Variants in ZNF83 observed in about 807,000 individuals in gnomAD.
ZNF83 encodes zinc finger protein 816B.
For missense variants in ZNF83, 552 were observed against 629.9 expected (o/e 0.88, Z 1.32); for synonymous variants, 209 against 213.0 (o/e 0.98, Z 0.17).
chr19:52,644,399 C>T (rs931038998), intron 3 of ZNF83, among the ~76,000 whole-genome samples: 3 of 152,118 alleles, frequency 2.0e-5, no homozygotes, highest in South Asian at 2.1e-4. Flanking sequence ...ACATTTTCAC[C>T]GAGTTACCCT....
rs1473697552 is a variant in ZNF83 at position 52,687,584 on chromosome 19, A to T, written c.-283+2859T>A. ...TTTTATATATATATAAATTTTATAT[A>T]TATATATATATAATGTATATATATA... On this transcript the variant is annotated intron_variant, in intron 1 of 5. Transcript: ENST00000594682. Among the ~76,000 whole-genome samples, 2 of 37,330 alleles carry T rather than the reference A, an allele frequency of 5.4e-5. 1 individual carries two copies. The highest frequency in any genetic ancestry group is 8.7e-5 in the Non-Finnish European group (2 of 23,096). 24.5% of individuals were successfully genotyped at this position (37,330 alleles called of 152,430 possible). A position where few individuals can be genotyped will look rare whatever the true frequency, so the allele number is the denominator to read the frequency against.
At chr19:52,675,151 C>T (rs1228192833) in intron 1 of ZNF83, among the ~76,000 whole-genome samples, 2 of 152,192 alleles carry the variant, frequency 1.3e-5, no homozygotes, top group African/African-American at 2.4e-5. Context: ...ATAAAGCTTG[C>T]GTTACTTGAA....
intron 1 of ZNF83, among the ~76,000 whole-genome samples, chr19:52,690,040 C>A (rs1426704382): frequency 1.3e-5 from 2 of 152,188 alleles, no homozygotes; most frequent in Non-Finnish European, 2.9e-5. Context: ...GCAGAGGACA[C>A]GGCCTCCCCG....
chr19:52,684,062 T>C (rs985911886), intron 1 of ZNF83, among the ~76,000 whole-genome samples: 4 of 152,072 alleles, frequency 2.6e-5, no homozygotes, highest in African/African-American at 9.7e-5. Context: ...GGTGAAACCC[T>C]GTCTCTACTA....
intron 1 of ZNF83, among the ~76,000 whole-genome samples, chr19:52,685,204 G>A (rs1285202083): frequency 2.6e-5 from 4 of 152,086 alleles, no homozygotes; most frequent in Non-Finnish European, 5.9e-5. Context: ...GGTCACTCAG[G>A]GTGAGCTTTT....
At chr19:52,660,495 A>G (rs73586172) in intron 2 of ZNF83, among the ~76,000 whole-genome samples, 2,806 of 149,858 alleles carry the variant, frequency 0.019, 97 homozygotes, top group African/African-American at 0.065. Flanking sequence ...GTGGACACCT[A>G]TAATCACAGC....
exon 3 of ZNF83, chr19:52,614,146 T>C (rs1456869951): frequency 6.2e-7 from 1 of 1,614,096 alleles, no homozygotes; most frequent in Non-Finnish European, 8.5e-7. Flanking sequence ...ATGAATTCTT[T>C]GATGACTTGC....
intron 2 of ZNF83, among the ~76,000 whole-genome samples, chr19:52,657,489 C>T (rs905725769): frequency 1.3e-5 from 2 of 151,556 alleles, no homozygotes. Context: ...GGGCTCCCCA[C>T]TGCACTCCAG....
chr19:52,673,525 G>C (rs776882818), intron 1 of ZNF83, among the ~76,000 whole-genome samples: 1 of 150,876 alleles, frequency 6.6e-6, no homozygotes, highest in Non-Finnish European at 1.5e-5. Context: ...CACACAAAAT[G>C]CTATAAACAG....
At chr19:52,689,635 T>C (rs1379505074) in intron 1 of ZNF83, among the ~76,000 whole-genome samples, 1 of 152,212 alleles carries the variant, frequency 6.6e-6, no homozygotes, top group Non-Finnish European at 1.5e-5. Flanking sequence ...TGCTTTCTTA[T>C]CGTTTTCTTT....
intron 2 of ZNF83, 98 bp from the exon 3 acceptor site, chr19:52,614,895 A>T: frequency 9.1e-7 from 1 of 1,098,618 alleles, no homozygotes; most frequent in Non-Finnish European, 1.2e-6. Flanking sequence ...AGTAATACTT[A>T]TGTTAAAGAA....
exon 3 of ZNF83, chr19:52,614,442 A>T (rs1384472012): frequency 6.2e-7 from 1 of 1,613,628 alleles, no homozygotes; most frequent in Admixed American, 1.7e-5. Context: ...TTTCCATGTG[A>T]TCATATTTAT....
upstream of ZNF83, among the ~76,000 whole-genome samples, chr19:52,642,821 G>A (rs191911164): frequency 1.6e-4 from 25 of 152,222 alleles, no homozygotes; most frequent in Admixed American, 2.6e-4. Context: ...AGGGGTTCAA[G>A]ACCAACCTGG....
intron 1 of ZNF83, among the ~76,000 whole-genome samples, chr19:52,664,585 G>T (rs150493201): frequency 6.6e-6 from 1 of 152,140 alleles, no homozygotes. Context: ...TTAAGTCCAC[G>T]CCATCTGCTT....
At chr19:52,658,179 A>G (rs1281954787) in intron 2 of ZNF83, among the ~76,000 whole-genome samples, 1 of 151,976 alleles carries the variant, frequency 6.6e-6, no homozygotes, top group Non-Finnish European at 1.5e-5. Flanking sequence ...AGAAACAACA[A>G]CAAAGAATAA....
chr19:52,648,329 G>T (rs923786393), intron 3 of ZNF83, among the ~76,000 whole-genome samples: 3 of 151,856 alleles, frequency 2.0e-5, no homozygotes, highest in African/African-American at 7.3e-5. Flanking sequence ...AAAAGAAAAA[G>T]AAACAAGTTT....
At chr19:52,616,924 AAC>A (rs1023613880) in intron 2 of ZNF83, 1 of 152,112 alleles carries the variant, frequency 6.6e-6, no homozygotes, top group African/African-American at 2.4e-5. Flanking sequence ...TCAGCAAACT[AAC>A]ACAGGAACAG....
At chr19:52,630,379 C>G (rs948792029) in intron 2 of ZNF83, among the ~76,000 whole-genome samples, 2 of 152,212 alleles carry the variant, frequency 1.3e-5, no homozygotes, top group Non-Finnish European at 2.9e-5. Flanking sequence ...ACCTTCTTTT[C>G]AAGGGCCTGT....
upstream of ZNF83, among the ~76,000 whole-genome samples, chr19:52,639,413 C>CTTTTTCT (rs1206783591): frequency 1.9e-5 from 1 of 53,882 alleles, no homozygotes. Flanking sequence ...TTAGTTTTTT[C>CTTTTTCT]TATTTTTTTT....
Sources: allele counts gnomAD v4.1 joint callset (sites outside exome capture counted in the v4.1 genomes callset), GRCh38; gene constraint gnomAD v4.1.1; transcripts MANE v1.5; gene names NCBI Gene and HGNC (gene_info 2026-07-23, HGNC 2026-07-21).